The following ABL1 variants were observed in gnomAD, a reference collection of about 807,000 sequenced individuals.
ABL1 encodes the protein tyrosine-protein kinase ABL1.
Under a neutral mutation model 94.7 loss-of-function variants are expected in ABL1, and 11 were observed. That is an observed-to-expected ratio of 0.12 (90% CI 0.07 to 0.19). The LOEUF (loss-of-function observed/expected upper bound fraction) is 0.19. ABL1 is among the 10% of genes least tolerant of loss of function. ABL1 has a pLI of 1.00. For synonymous variants in ABL1, 656 were observed against 622.4 expected (o/e 1.05, Z -0.80); for missense variants, 1,082 against 1,489.4 (o/e 0.73, Z 4.50).
At chr9:130,754,160 T>G (rs1015965717) in intron 1 of ABL1, among the ~76,000 whole-genome samples, 1 of 133,636 alleles carries the variant, frequency 7.5e-6, no homozygotes, top group East Asian at 2.3e-4. Flanking sequence ...GAGCCAAGAT[T>G]GCACCACTGC....
chr9:130,751,341 C>T (rs925303069), intron 1 of ABL1, among the ~76,000 whole-genome samples: 2 of 151,838 alleles, frequency 1.3e-5, no homozygotes, highest in African/African-American at 4.8e-5. Context: ...CAGCATCTCA[C>T]CATGCTGGCC....
intron 1 of ABL1, among the ~76,000 whole-genome samples, chr9:130,784,383 A>G (rs1038387654): frequency 6.6e-6 from 1 of 152,266 alleles, no homozygotes; most frequent in Non-Finnish European, 1.5e-5. Context: ...ATTTAAAAAA[A>G]TCACCAATCT....
At chr9:130,846,092 T>TGC (rs938832108) in intron 1 of ABL1, among the ~76,000 whole-genome samples, 31 of 151,102 alleles carry the variant, frequency 2.1e-4, no homozygotes, top group Non-Finnish European at 4.1e-4. Flanking sequence ...TGTGTGTGTG[T>TGC]GTGTGTGTGT....
In ABL1 at chr9:130,727,762, C is replaced by CA. The variant is rs1325650658; in HGVS notation, c.136+13307_136+13308insA. On this transcript the variant is annotated intron_variant, in intron 1 of 10. Coordinates refer to the ABL1 transcript ENST00000372348. ...CAGAGTGAGACACCGCCCCCCCCCCCCAAAAAAAAGCATTTATTAGGAAAC... is the reference window on the plus strand; with the variant it reads ...CAGAGTGAGACACCGCCCCCCCCCCCACAAAAAAAAGCATTTATTAGGAAAC... Among the ~76,000 whole-genome samples, 109 of 135,900 alleles carry CA rather than the reference C, an allele frequency of 8.0e-4. 18 individuals are homozygous for CA. The highest frequency in any genetic ancestry group is 3.0e-3 in the African/African-American group (99 of 32,468). The allele number at this position is 135,900 out of a possible 152,430, so 89.2% of individuals were successfully genotyped here. A position where few individuals can be genotyped will look rare whatever the true frequency, so the allele number is the denominator to read the frequency against.
intron 4 of ABL1, among the ~76,000 whole-genome samples, chr9:130,870,496 C>T (rs1372942043): frequency 6.6e-6 from 1 of 152,198 alleles, no homozygotes; most frequent in African/African-American, 2.4e-5. Flanking sequence ...ATTCTTAAAG[C>T]CCCAGTCCTA....
At chr9:130,853,964 G>A in intron 1 of ABL1, 100 bp from the exon 2 acceptor site, 2 of 1,266,880 alleles carry the variant, frequency 1.6e-6, no homozygotes, top group South Asian at 1.5e-5. Context: ...AATGTGTAAT[G>A]TTGGAAACAC....
At position 130,887,573 on chromosome 9, in the gene ABL1, G is replaced by A. The variant is rs766193242; in HGVS notation, c.*1890G>A. On this transcript the variant is annotated 3_prime_UTR_variant, in exon 11 of 11. Coordinates refer to ENST00000318560, the MANE Select transcript of ABL1 (RefSeq NM_005157.6). ...TGGTGGCTCCCCCTCTGCTTCTCGG[G>A]GTCCAGTGCATTTTGTTTCTGTATA... is the stretch of plus-strand genomic sequence containing the variant. 8.6e-6 allele frequency: 2 copies of A among 232,680 alleles called. No homozygotes were observed. The highest frequency in any genetic ancestry group is 3.7e-4 in the South Asian group (2 of 5,464). The allele number at this position is 232,680 out of a possible 1,614,324, so 14.4% of individuals were successfully genotyped here.
At chr9:130,879,413 T>C (rs760835116) in intron 8 of ABL1, among the ~76,000 whole-genome samples, 1 of 152,252 alleles carries the variant, frequency 6.6e-6, no homozygotes, top group Non-Finnish European at 1.5e-5. Flanking sequence ...TCTTTTGATG[T>C]GCATTTGGTT....
At chr9:130,808,891 C>G (rs746518954) in intron 1 of ABL1, among the ~76,000 whole-genome samples, 9 of 152,200 alleles carry the variant, frequency 5.9e-5, no homozygotes, top group Non-Finnish European at 1.2e-4. Flanking sequence ...GAAAATATGT[C>G]AAACTCTGAA....
chr9:130,717,829 C>T (rs1831463264), intron 1 of ABL1, among the ~76,000 whole-genome samples: 1 of 151,806 alleles, frequency 6.6e-6, no homozygotes, highest in South Asian at 2.1e-4. Context: ...GCCTGACTAA[C>T]ATGGAGAAAC....
chr9:130,798,683 G>C (rs537849199), intron 1 of ABL1, among the ~76,000 whole-genome samples: 6 of 151,974 alleles, frequency 3.9e-5, no homozygotes, highest in Admixed American at 2.0e-4. Flanking sequence ...GAATTGGAAG[G>C]GGGGGCCGGG....
chr9:130,825,785 C>A (rs1353534346), intron 1 of ABL1, among the ~76,000 whole-genome samples: 1 of 152,210 alleles, frequency 6.6e-6, no homozygotes, highest in Non-Finnish European at 1.5e-5. Context: ...ATAAGAATAT[C>A]CCAAACCATT....
intron 1 of ABL1, among the ~76,000 whole-genome samples, chr9:130,826,494 A>C (rs897119736): frequency 1.3e-5 from 2 of 152,202 alleles, no homozygotes; most frequent in African/African-American, 2.4e-5. Flanking sequence ...GTAGGGGATA[A>C]GAAAGGCAAA....
intron 1 of ABL1, among the ~76,000 whole-genome samples, chr9:130,734,363 G>A (rs1224798127): frequency 2.6e-5 from 4 of 151,152 alleles, no homozygotes; most frequent in Admixed American, 6.6e-5. Flanking sequence ...ACAGGCACCC[G>A]CCACCATGCC....
intron 6 of ABL1, 96 bp downstream of exon 6, chr9:130,873,133 G>T: frequency 7.6e-7 from 1 of 1,307,648 alleles, no homozygotes; most frequent in Admixed American, 2.5e-5. Flanking sequence ...GTCTCAGGGC[G>T]CAGCTTCTAA....
intron 1 of ABL1, among the ~76,000 whole-genome samples, chr9:130,741,057 A>G (rs1042594980): frequency 6.6e-6 from 1 of 152,080 alleles, no homozygotes; most frequent in Non-Finnish European, 1.5e-5. Context: ...TTATATAGCA[A>G]TGAATGGCCA....
rs929408890 is a variant in ABL1 at position 130,862,541 on chromosome 9, G to A, written c.550-222G>A. Among the ~76,000 whole-genome samples the A allele has an allele frequency of 6.6e-5, 10 of 152,168 alleles. No individual in the cohort carries two copies. Among genetic ancestry groups the A allele is most frequent in the Non-Finnish European group, 1.5e-4 (10 of 68,040 alleles). ...AGAGGGAGCAGCAGCAGGTACAGAG[G>A]CCCTGAGGCCTTTTATTGTGTCTTT... On this transcript the variant is annotated intron_variant, in intron 3 of 10. Coordinates refer to ENST00000318560, the MANE Select transcript of ABL1 (RefSeq NM_005157.6). This position sits in a 1 kb window ranked among gnomAD's most constrained non-coding sequence, Gnocchi z 5.5.
At chr9:130,716,072 C>CTTTTTTTTTTTTTTTTTTTT (rs71389339) in intron 1 of ABL1, among the ~76,000 whole-genome samples, 1 of 91,186 alleles carries the variant, frequency 1.1e-5, no homozygotes, top group Non-Finnish European at 2.3e-5. Flanking sequence ...GAAAAATGTC[C>CTTTTTTTTTTTTTTTTTTTT]TTTTTTTTTT....
chr9:130,842,211 G>A (rs1830685925), intron 1 of ABL1, among the ~76,000 whole-genome samples: 1 of 152,110 alleles, frequency 6.6e-6, no homozygotes, highest in Non-Finnish European at 1.5e-5. Flanking sequence ...TGGAGAGAGA[G>A]GCCATCAGTA....
Sources: gnomAD v4.1 joint callset for allele counts (sites outside exome capture counted in the v4.1 genomes callset) on GRCh38, gnomAD v4.1.1 for gene constraint, Gnocchi (gnomAD v3.1) non-coding constraint, MANE v1.5 for transcripts, NCBI Gene and HGNC (gene_info 2026-07-23, HGNC 2026-07-21) for gene names.